The following GPATCH8 variants were observed in gnomAD, a reference collection of about 807,000 sequenced individuals.
The protein encoded by GPATCH8 is G patch domain-containing protein 8.
Under a neutral mutation model 118.3 loss-of-function variants are expected in GPATCH8, and 18 were observed. That is an observed-to-expected ratio of 0.15 (90% CI 0.11 to 0.23). The LOEUF (loss-of-function observed/expected upper bound fraction) is 0.23, where lower values mean the gene tolerates loss of function less well. GPATCH8 is among the 10% of genes least tolerant of loss of function. The pLI, the probability that GPATCH8 is intolerant of heterozygous loss-of-function variation, is 1.00. For missense variants in GPATCH8, 1,631 were observed against 1,873.8 expected (o/e 0.87, Z 2.39); for synonymous variants, 659 against 684.7 (o/e 0.96, Z 0.59).
intron 6 of GPATCH8, among the ~76,000 whole-genome samples, chr17:44,421,206 T>A (rs1310459974): frequency 3.3e-5 from 5 of 151,544 alleles, no homozygotes; most frequent in African/African-American, 1.2e-4. Context: ...CCGGGCGTGG[T>A]GGCGCATGCC....
intron 1 of GPATCH8, among the ~76,000 whole-genome samples, chr17:44,480,532 A>G (rs1175207521): frequency 2.6e-5 from 4 of 152,094 alleles, no homozygotes; most frequent in Non-Finnish European, 5.9e-5. Flanking sequence ...CCTGACCAAC[A>G]TGGAGAAACC....
intron 3 of GPATCH8, among the ~76,000 whole-genome samples, chr17:44,450,020 T>C (rs977848604): frequency 1.3e-5 from 2 of 152,136 alleles, no homozygotes; most frequent in African/African-American, 4.8e-5. Flanking sequence ...GAGAAATATA[T>C]AGGTATATAA....
chr17:44,501,861 T>A (rs995655082), intron 1 of GPATCH8, among the ~76,000 whole-genome samples: 1 of 152,140 alleles, frequency 6.6e-6, no homozygotes, highest in Non-Finnish European at 1.5e-5. Flanking sequence ...TACCGGTAAT[T>A]TAAAAATCAA....
At chr17:44,442,474 G>T (rs1469478347) in intron 3 of GPATCH8, among the ~76,000 whole-genome samples, 1 of 151,786 alleles carries the variant, frequency 6.6e-6, no homozygotes, top group Non-Finnish European at 1.5e-5. Context: ...CAAAATCCAT[G>T]TTTTTTTTGA....
At chr17:44,432,395 G>A (rs2050351438) in intron 5 of GPATCH8, among the ~76,000 whole-genome samples, 1 of 152,168 alleles carries the variant, frequency 6.6e-6, no homozygotes, top group Admixed American at 6.6e-5. Flanking sequence ...GGGTAGTTAA[G>A]GAAAGATGAA....
At chr17:44,474,692 A>G (rs1474636512) in intron 2 of GPATCH8, 137 bp downstream of exon 2, 2 of 705,796 alleles carry the variant, frequency 2.8e-6, no homozygotes, top group East Asian at 5.4e-5. Context: ...TTAATTGATT[A>G]CTGTATGGCA....
At chr17:44,475,400 G>T (rs1284316481) in intron 1 of GPATCH8, among the ~76,000 whole-genome samples, 2 of 135,140 alleles carry the variant, frequency 1.5e-5, no homozygotes, top group Non-Finnish European at 3.2e-5. Flanking sequence ...AAAAAAAAAA[G>T]AAAAAACTTT....
chr17:44,488,223 CTT>C (rs927607960), intron 1 of GPATCH8, among the ~76,000 whole-genome samples: 45 of 101,340 alleles, frequency 4.4e-4, no homozygotes, highest in African/African-American at 1.3e-3. Flanking sequence ...GTGCCTGACC[CTT>C]TTTTTTTTTT....
At chr17:44,461,328 T>C (rs984645176) in intron 3 of GPATCH8, among the ~76,000 whole-genome samples, 1 of 151,850 alleles carries the variant, frequency 6.6e-6, no homozygotes, top group Non-Finnish European at 1.5e-5. Flanking sequence ...ACTATAGGTG[T>C]GTGCCACCAA....
In GPATCH8 at chr17:44,399,565, C is replaced by T. The variant is rs1276144430; in HGVS notation, c.2512G>A (p.Glu838Lys). 6.2e-7 allele frequency: 1 copy of T among 1,614,200 alleles called. No homozygotes were observed. The highest frequency in any genetic ancestry group is 2.2e-5 in the East Asian group (1 of 44,886). ...CCTGAATCTTCCTCTTCTTCTTCCT[C>T]ACTGTACTGGGATGGAGACTTCTGG... ...LHQKSPSQYS[E>K]EEEEEDSGSE... The change falls in exon 8 of 8, where the codon GAG (glutamate) becomes AAG (lysine). Residue 838 changes from glutamate to lysine, a missense_variant. Physicochemically the swap from Glu to Lys is moderately conservative, Grantham distance 56. This residue lies in a region of GPATCH8 where 922 missense variants were observed against 879.7 expected (regional missense o/e 1.05). Transcript: ENST00000591680.
At chr17:44,431,370 T>C (rs1447652200) in intron 5 of GPATCH8, among the ~76,000 whole-genome samples, 1 of 71,692 alleles carries the variant, frequency 1.4e-5, no homozygotes, top group Non-Finnish European at 2.5e-5. Context: ...CAAGACTGTC[T>C]CAAAAAGGAA....
At chr17:44,442,935 A>C (rs1196528786) in intron 3 of GPATCH8, among the ~76,000 whole-genome samples, 1 of 152,208 alleles carries the variant, frequency 6.6e-6, no homozygotes, top group Non-Finnish European at 1.5e-5. Flanking sequence ...TCTTAAAAAA[A>C]TTAGCTGGGC....
chr17:44,429,454 G>A (rs1006541956), intron 5 of GPATCH8, among the ~76,000 whole-genome samples: 3 of 151,980 alleles, frequency 2.0e-5, no homozygotes, highest in Non-Finnish European at 2.9e-5. Flanking sequence ...TCACACTCTG[G>A]AGAAAATCTT....
intron 5 of GPATCH8, among the ~76,000 whole-genome samples, 195 bp downstream of exon 5, chr17:44,434,870 G>C (rs953919134): frequency 1.3e-5 from 2 of 152,230 alleles, no homozygotes; most frequent in Non-Finnish European, 2.9e-5. Context: ...CACTTTAGAA[G>C]TAGGTATTAT....
rs182315871 is a variant in GPATCH8, at chr17:44,502,604, T to C, written c.45+722A>G. ...GAAAGAAAAATCAAGCTTTTGGCAC[T>C]AGTGACCCCATGCGTGGACGGCCTA... On this transcript the variant is annotated intron_variant, in intron 1 of 7. Transcript: ENST00000591680. Among the ~76,000 whole-genome samples the C allele has an allele frequency of 2.6e-4, 39 of 152,328 alleles. No individual in the cohort carries two copies. In the East Asian group the frequency reaches 7.3e-3, roughly 29 times the overall value.
At position 44,400,499 on chromosome 17, in the gene GPATCH8, G is replaced by A; in HGVS notation, c.1578C>T (p.Ser526=). 6.2e-7 allele frequency: 1 copy of A among 1,614,140 alleles called. No homozygotes were observed. Among genetic ancestry groups the A allele is most frequent in the Non-Finnish European group, 8.5e-7 (1 of 1,179,986 alleles). The change falls in exon 8 of 8, where the codon AGC becomes AGT. Residue 526 remains serine (S), a synonymous_variant. Coordinates refer to ENST00000591680, the MANE Select transcript of GPATCH8 (RefSeq NM_001002909.4). The part of the protein sequence containing the change: ...TSLATPAGKE[S]QEGPKHPTGP... ...CAGTAGGATGTTTGGGTCCTTCTTG[G>A]CTTTCTTTCCCTGCTGGGGTGGCCA...
intron 1 of GPATCH8, among the ~76,000 whole-genome samples, chr17:44,501,641 G>A (rs1221700590): frequency 6.6e-6 from 1 of 152,088 alleles, no homozygotes; most frequent in African/African-American, 2.4e-5. Context: ...TCAGGAAACA[G>A]CATTCACACT....
At chr17:44,462,810 G>A (rs897859062) in intron 3 of GPATCH8, among the ~76,000 whole-genome samples, 7 of 151,774 alleles carry the variant, frequency 4.6e-5, no homozygotes, top group Non-Finnish European at 8.8e-5. Flanking sequence ...GTGAAACCCC[G>A]TCTCTATAAA....
intron 2 of GPATCH8, among the ~76,000 whole-genome samples, chr17:44,466,390 C>T (rs920191976): frequency 6.6e-6 from 1 of 152,112 alleles, no homozygotes; most frequent in Non-Finnish European, 1.5e-5. Context: ...CATATAAAAT[C>T]ATTATGGTGC....
Sources: allele counts gnomAD v4.1 joint callset (sites outside exome capture counted in the v4.1 genomes callset), GRCh38; gene constraint gnomAD v4.1.1; regional missense constraint gnomAD v4.1.1; transcripts MANE v1.5; gene names NCBI Gene and HGNC (gene_info 2026-07-23, HGNC 2026-07-21).